ANKRD12: variants seen among roughly 807,000 people sequenced by gnomAD.
The protein encoded by ANKRD12 is ankyrin repeat domain-containing protein 12.
In ANKRD12, 85 loss-of-function variants were observed where a neutral mutation model predicts 183.4. That is an observed-to-expected ratio of 0.46 (90% confidence interval 0.39 to 0.56). ANKRD12 has a LOEUF of 0.56. Ranked by LOEUF, ANKRD12 falls within the 20% of genes least tolerant of loss-of-function variation. The pLI, the probability that ANKRD12 is intolerant of heterozygous loss-of-function variation, is 0.00. For synonymous variants in ANKRD12, 914 were observed against 800.2 expected, an observed-to-expected ratio of 1.14 and a Z score of -2.40; for missense variants, 2,405 against 2,357.1, an observed-to-expected ratio of 1.02 and a Z score of -0.42.
At chr18:9,241,411 TC>T (rs2037655523) in intron 8 of ANKRD12, among the ~76,000 whole-genome samples, 1 of 152,180 alleles carries the variant, frequency 6.6e-6, no homozygotes, top group Non-Finnish European at 1.5e-5. Context: ...AGATAATAGT[TC>T]AAGTCTCGTA....
intron 1 of ANKRD12, among the ~76,000 whole-genome samples, chr18:9,162,577 G>A (rs1317013276): frequency 6.6e-6 from 1 of 152,104 alleles, no homozygotes; most frequent in Non-Finnish European, 1.5e-5. Context: ...GTAATGAGAT[G>A]GCTGGGTCAA....
chr18:9,168,761 C>T lies in ANKRD12; in HGVS notation c.-51-13621C>T, dbSNP rs555061129. 2.0e-5 allele frequency among the ~76,000 whole-genome samples: 3 copies of T among 152,018 alleles called. No homozygotes were observed. The East Asian group carries it at 5.8e-4, about 29-fold the overall frequency. On this transcript the variant is annotated intron_variant, in intron 1 of 12. Coordinates refer to ENST00000262126, the MANE Select transcript of ANKRD12 (RefSeq NM_015208.5). ...CTTAGTTATTTCTTGCCTTCTGCTA[C>T]CTTTTGAATGTGTTTGCTCTTGCTT...
intron 8 of ANKRD12, among the ~76,000 whole-genome samples, chr18:9,239,886 A>G (rs532085610): frequency 1.3e-5 from 2 of 152,322 alleles, no homozygotes; most frequent in East Asian, 3.9e-4. Flanking sequence ...AGCATTCTAA[A>G]TGTGGTTTAT....
intron 8 of ANKRD12, among the ~76,000 whole-genome samples, chr18:9,228,567 T>C (rs1176756924): frequency 6.6e-6 from 1 of 152,148 alleles, no homozygotes; most frequent in Admixed American, 6.6e-5. Context: ...CCCTGATGAT[T>C]AGTGATGTCG....
chr18:9,137,752 C>G (rs1245347893), intron 1 of ANKRD12: 2 of 152,274 alleles, frequency 1.3e-5, no homozygotes, highest in South Asian at 2.1e-4. Context: ...TTTCAAGTAC[C>G]CACTTGTGAT....
At position 9,275,623 on chromosome 18, in the gene ANKRD12, G is replaced by A; in HGVS notation, c.5863G>A (p.Val1955Ile). The A allele has an allele frequency of 6.2e-7, 1 of 1,606,566 alleles. No homozygotes were observed. Among genetic ancestry groups the A allele is most frequent in the Non-Finnish European group, 8.5e-7 (1 of 1,174,476 alleles). ...AACACTGCCATTTAGTGCTTGTACT[G>A]TTTTGCTGGATGCCGAAGTATACAA... The part of the protein sequence containing the change: ...NQTLPFSACT[V>I]LLDAEVYNVP... The change falls in exon 11 of 13, where the codon GTT becomes ATT. Residue 1955 changes from valine (V) to isoleucine (I), a missense_variant. By Grantham distance (29) the Val-to-Ile change is conservative. Coordinates refer to ENST00000262126, the MANE Select transcript of ANKRD12 (RefSeq NM_015208.5).
chr18:9,266,894 T>C (rs1209767340), intron 10 of ANKRD12, among the ~76,000 whole-genome samples: 3 of 152,108 alleles, frequency 2.0e-5, no homozygotes, highest in Admixed American at 6.5e-5. Context: ...GAGACACACA[T>C]AGGCTCAAAA....
At chr18:9,225,838 A>C (rs920639330) in intron 8 of ANKRD12, among the ~76,000 whole-genome samples, 1 of 152,242 alleles carries the variant, frequency 6.6e-6, no homozygotes, top group East Asian at 1.9e-4. Flanking sequence ...AGCAAAGCTC[A>C]AAGAATTGTA....
At position 9,186,460 on chromosome 18, in the gene ANKRD12, TC is replaced by T. The variant is rs140126931; in HGVS notation, c.87+3942del. ...TCAAGATCAGTAGTTTGGGTAAGGATCAGAAGCTCATCTAAGGCAACATGCG... is the reference window on the plus strand; with the variant it reads ...TCAAGATCAGTAGTTTGGGTAAGGATAGAAGCTCATCTAAGGCAACATGCG... On this transcript the variant is annotated intron_variant, in intron 2 of 12. Coordinates refer to ENST00000262126, the MANE Select transcript of ANKRD12 (RefSeq NM_015208.5). Among the ~76,000 whole-genome samples the T allele has an allele frequency of 1.3e-3, 204 of 152,314 alleles. 1 individual carries two copies. The highest frequency in any genetic ancestry group is 4.8e-3 in the African/African-American group (198 of 41,554).
rs755173091 is a variant in ANKRD12 at position 9,255,269 on chromosome 18, GA to G, written c.2005del (p.Ile669LeufsTer43). 2 of 1,570,670 alleles carry G rather than the reference GA, an allele frequency of 1.3e-6. No individual in the cohort carries two copies. On this transcript the variant is annotated frameshift_variant, in exon 9 of 13. Coordinates refer to ENST00000262126, the MANE Select transcript of ANKRD12 (RefSeq NM_015208.5). LOFTEE classifies it high-confidence loss of function. ...GAGGGAAAAAGAAAAGCATAAAAAA[GA>G]AATTGAAGGTGAAAAGGAAAAATAC... ...KEREKEKHKK[E>X]IEGEKEKYKT...
intron 9 of ANKRD12, chr18:9,259,781 TA>T (rs1299200168): frequency 6.6e-6 from 1 of 152,210 alleles, no homozygotes; most frequent in African/African-American, 2.4e-5. Context: ...TGGATTTTGC[TA>T]CAGACCCACT....
intron 8 of ANKRD12, among the ~76,000 whole-genome samples, chr18:9,228,132 C>T (rs1441951598): frequency 6.6e-6 from 1 of 152,080 alleles, no homozygotes; most frequent in Non-Finnish European, 1.5e-5. Context: ...CAAATGAAAT[C>T]CATGTTGCTG....
intron 1 of ANKRD12, among the ~76,000 whole-genome samples, chr18:9,175,523 CTTTTTTTTTTTTTT>C (rs33944736): frequency 6.8e-4 from 36 of 53,302 alleles, no homozygotes; most frequent in South Asian, 1.0e-3. Flanking sequence ...AAAGGCTCCT[CTTTTTTTTTTTTTT>C]TTTTTTTTTT....
chr18:9,276,106 A>G (rs571997205), intron 11 of ANKRD12, among the ~76,000 whole-genome samples: 1 of 152,374 alleles, frequency 6.6e-6, no homozygotes, highest in Admixed American at 6.5e-5. Context: ...GAACTGTGGA[A>G]GACTGGAGAA....
At chr18:9,157,454 A>G (rs1248032006) in intron 1 of ANKRD12, among the ~76,000 whole-genome samples, 2 of 151,826 alleles carry the variant, frequency 1.3e-5, no homozygotes, top group East Asian at 3.9e-4. Context: ...CTTTTGCACC[A>G]TTTATAAAGT....
intron 1 of ANKRD12, chr18:9,137,889 C>G (rs1479727047): frequency 6.6e-6 from 1 of 152,218 alleles, no homozygotes; most frequent in African/African-American, 2.4e-5. Flanking sequence ...CGAAGCTTAG[C>G]TGACAGCTGT....
chr18:9,262,111 T>TA (rs1450835190), intron 9 of ANKRD12, among the ~76,000 whole-genome samples: 1 of 152,208 alleles, frequency 6.6e-6, no homozygotes, highest in Non-Finnish European at 1.5e-5. Flanking sequence ...TTTGTGGTGT[T>TA]ATTTAACATG....
At chr18:9,156,381 A>G (rs62085883) in intron 1 of ANKRD12, among the ~76,000 whole-genome samples, 287 of 152,304 alleles carry the variant, frequency 1.9e-3, no homozygotes, top group Non-Finnish European at 3.1e-3. Flanking sequence ...AAGCTGTACA[A>G]TAAAAACAGT....
At chr18:9,174,124 C>T (rs938930530) in intron 1 of ANKRD12, among the ~76,000 whole-genome samples, 4 of 152,236 alleles carry the variant, frequency 2.6e-5, no homozygotes, top group Non-Finnish European at 5.9e-5. Context: ...GGGACTCCTC[C>T]TCATCAGGAC....
Sources: gnomAD v4.1 joint callset for allele counts (sites outside exome capture counted in the v4.1 genomes callset) on GRCh38, gnomAD v4.1.1 for gene constraint, MANE v1.5 for transcripts, NCBI Gene and HGNC (gene_info 2026-07-23, HGNC 2026-07-21) for gene names.